The following SLC6A19 variants were observed in gnomAD, a reference collection of about 807,000 sequenced individuals.
SLC6A19 encodes sodium-dependent neutral amino acid transporter B(0)AT1.
SLC6A19 carries 67 observed loss-of-function variants against 68.3 expected under a neutral mutation model. The ratio of observed to expected loss-of-function variants is 0.98; its 90% CI spans 0.81 to 1.20. The LOEUF (loss-of-function observed/expected upper bound fraction) is 1.20, where lower values mean the gene tolerates loss of function less well. Among genes scored for constraint, SLC6A19 ranks in the 50% most tolerant of loss-of-function variants. The probability of loss-of-function intolerance (pLI) is 0.00; values close to 1 mark genes in which losing one functional copy is unlikely to be tolerated. For synonymous variants in SLC6A19, 392 were observed against 374.9 expected, an observed-to-expected ratio of 1.05 and a Z score of -0.53; for missense variants, 813 against 851.6, an observed-to-expected ratio of 0.95 and a Z score of 0.56.
Position 1,222,549 on chromosome 5 carries a change from T to G in SLC6A19, c.*645T>G, listed in dbSNP as rs1179207777. Reference sequence around the variant, plus strand: ...TGTGTACGTGTGTGTATACGTGTGTTGTGTATATGTGTGTGTCTGTACCTG... The same window carrying G: ...TGTGTACGTGTGTGTATACGTGTGTGGTGTATATGTGTGTGTCTGTACCTG... On this transcript the variant is annotated 3_prime_UTR_variant, in exon 12 of 12. Transcript: ENST00000304460. The G allele has an allele frequency of 1.0e-5, 4 of 384,382 alleles. No individual in the cohort carries two copies. 23.8% of individuals were successfully genotyped at this position (384,382 alleles called of 1,614,324 possible).
At chr5:1,211,065 C>A (rs1746014174) in intron 3 of SLC6A19, among the ~76,000 whole-genome samples, 1 of 152,198 alleles carries the variant, frequency 6.6e-6, no homozygotes, top group African/African-American at 2.4e-5. Flanking sequence ...GTGTGACATG[C>A]AATCAGCTCA....
rs373368788 is a variant in SLC6A19 at position 1,219,047 on chromosome 5, G to A, written c.1318G>A (p.Val440Ile). 8.1e-6 allele frequency: 13 copies of A among 1,613,900 alleles called. No individual in the cohort carries two copies. In the East Asian group the frequency reaches 8.9e-5, roughly 11 times the overall value. Residue 440 changes from valine to isoleucine, a missense_variant, in exon 9 of 12, where the codon GTT becomes ATT. Val to Ile is a conservative substitution (Grantham distance 29). Coordinates refer to ENST00000304460, the MANE Select transcript of SLC6A19 (RefSeq NM_001003841.3). ...TATGTTTGGGAACATGGAGGGCGTCGTTGTGCCCCTGCAGGACCTCAGAGT... is the reference window on the plus strand; with the variant it reads ...TATGTTTGGGAACATGGAGGGCGTCATTGTGCCCCTGCAGGACCTCAGAGT... ...SSMFGNMEGV[V>I]VPLQDLRVIP...
chr5:1,206,262 C>G (rs1745848655), intron 1 of SLC6A19, among the ~76,000 whole-genome samples: 1 of 151,752 alleles, frequency 6.6e-6, no homozygotes, highest in Non-Finnish European at 1.5e-5. Context: ...TCTCCATCGC[C>G]CTGTCTGTTT....
intron 2 of SLC6A19, 132 bp from the exon 3 acceptor site, chr5:1,210,312 C>A (rs1745988784): frequency 7.6e-7 from 1 of 1,323,662 alleles, no homozygotes. Flanking sequence ...ACTGGGTCGG[C>A]CCCTCAGATT....
At chr5:1,208,657 A>C in intron 1 of SLC6A19, 89 bp from the exon 2 acceptor site, 1 of 1,589,064 alleles carries the variant, frequency 6.3e-7, no homozygotes, top group Non-Finnish European at 8.6e-7. Flanking sequence ...TAGGGGCTGC[A>C]AGGTTTGCTG....
At position 1,214,433 on chromosome 5, in the gene SLC6A19, C is replaced by T. The variant is rs376547909; in HGVS notation, c.887+368C>T. On this transcript the variant is annotated intron_variant, in intron 6 of 11. Transcript: ENST00000304460. This position sits in a 1 kb window ranked among gnomAD's most constrained non-coding sequence, Gnocchi z 7.4. ...CCAGACATGTGGCGCCCCCGACGCCCTCCACGTCCCCGACCAAGGTCTGAT... is the reference window on the plus strand; with the variant it reads ...CCAGACATGTGGCGCCCCCGACGCCTTCCACGTCCCCGACCAAGGTCTGAT... Among the ~76,000 whole-genome samples, 25 of 152,302 alleles carry T rather than the reference C, an allele frequency of 1.6e-4. No homozygotes were observed. The highest frequency in any genetic ancestry group is 5.5e-4 in the African/African-American group (23 of 41,566).
chr5:1,210,638 T>C, intron 3 of SLC6A19, 57 bp downstream of exon 3: 1 of 1,605,244 alleles, frequency 6.2e-7, no homozygotes, highest in Admixed American at 1.7e-5. Context: ...GTGTCTCTCA[T>C]AGCAGGCACA....
In SLC6A19 at chr5:1,205,110, C is replaced by A. The variant is rs540300187; in HGVS notation, c.202+3258C>A. On this transcript the variant is annotated intron_variant, in intron 1 of 11. Transcript: ENST00000304460. ...ACCTGCTTCCACCTGAGTGAGCCAA[C>A]ATCTGCAGCGCCGCAGAGAGGCCTG... 2.0e-5 allele frequency among the ~76,000 whole-genome samples: 3 copies of A among 152,332 alleles called. No individual in the cohort carries two copies. The South Asian group carries it at 6.2e-4, about 32-fold the overall frequency.
In SLC6A19 at chr5:1,222,687, A is replaced by G. The variant is rs1561170965; in HGVS notation, c.*783A>G. ...CATATGGACACGCATGGACACGCAT[A>G]TGGACACATATGGACACACATATGG... On this transcript the variant is annotated 3_prime_UTR_variant, in exon 12 of 12. Transcript: ENST00000304460. 1 of 178,894 alleles carries G rather than the reference A, an allele frequency of 5.6e-6. No individual in the cohort carries two copies. The highest frequency in any genetic ancestry group is 1.2e-5 in the Non-Finnish European group (1 of 85,782). 11.1% of individuals were successfully genotyped at this position (178,894 alleles called of 1,614,324 possible).
In SLC6A19 at chr5:1,212,549, G is replaced by A. The variant is rs564831733; in HGVS notation, c.663+65G>A. The A allele has an allele frequency of 7.2e-4, 1,142 of 1,588,090 alleles. 5 individuals carry two copies. The East Asian group carries it at 0.013, about 19-fold the overall frequency. On this transcript the variant is annotated intron_variant, in intron 4 of 11. Coordinates refer to ENST00000304460, the MANE Select transcript of SLC6A19 (RefSeq NM_001003841.3). The surrounding 1 kb of genome is among the most constrained non-coding windows in gnomAD (Gnocchi z 5.1). ...GGCGGGTGCGGGCAGCCCTGCCTCCGGCCGGCTGCACTCTAAAACCCAGGT... is the reference window on the plus strand; with the variant it reads ...GGCGGGTGCGGGCAGCCCTGCCTCCAGCCGGCTGCACTCTAAAACCCAGGT...
Position 1,212,199 on chromosome 5 carries a change from C to T in SLC6A19, c.482-104C>T. ...GCACGTGTGGGCGTGTCACTGGTGT[C>T]AAGGCCTCTGGAACGTGGCTGGCAT... On this transcript the variant is annotated intron_variant, in intron 3 of 11. Transcript: ENST00000304460. This position sits in a 1 kb window ranked among gnomAD's most constrained non-coding sequence, Gnocchi z 5.1. 1 of 1,445,334 alleles carries T rather than the reference C, an allele frequency of 6.9e-7. No individual in the cohort carries two copies. The highest frequency in any genetic ancestry group is 1.2e-5 in the South Asian group (1 of 86,192). The allele number at this position is 1,445,334 out of a possible 1,614,324, so 89.5% of individuals were successfully genotyped here. A position where few individuals can be genotyped will look rare whatever the true frequency, so the allele number is the denominator to read the frequency against.
In SLC6A19 at chr5:1,215,580, C is replaced by T. The variant is rs560595724; in HGVS notation, c.888-978C>T. Reference sequence around the variant, plus strand: ...CATCCCATCACAGCCGGCGTCAGAGCGCCATTCCTGTTTAGGGCTGAGCAA... The same window carrying T: ...CATCCCATCACAGCCGGCGTCAGAGTGCCATTCCTGTTTAGGGCTGAGCAA... On this transcript the variant is annotated intron_variant, in intron 6 of 11. Transcript: ENST00000304460. The surrounding 1 kb of genome is among the most constrained non-coding windows in gnomAD (Gnocchi z 5.1). 9.8e-5 allele frequency among the ~76,000 whole-genome samples: 15 copies of T among 152,364 alleles called. No homozygotes were observed. Among genetic ancestry groups the T allele is most frequent in the Middle Eastern group, 6.8e-3 (2 of 294 alleles).
Position 1,222,576 on chromosome 5 carries a change from T to C in SLC6A19, c.*672T>C. ...TGTATATGTGTGTGTCTGTACCTGTTTGTGTATATGTGTGTGATGTGTGCT... is the reference window on the plus strand; with the variant it reads ...TGTATATGTGTGTGTCTGTACCTGTCTGTGTATATGTGTGTGATGTGTGCT... On this transcript the variant is annotated 3_prime_UTR_variant, in exon 12 of 12. Transcript: ENST00000304460. 3 of 345,474 alleles carry C rather than the reference T, an allele frequency of 8.7e-6. No homozygotes were observed. Among genetic ancestry groups the C allele is most frequent in the Non-Finnish European group, 1.6e-5 (3 of 189,802 alleles). 21.4% of individuals were successfully genotyped at this position (345,474 alleles called of 1,614,324 possible). A position where few individuals can be genotyped will look rare whatever the true frequency, so the allele number is the denominator to read the frequency against.
Position 1,214,041 on chromosome 5 carries a change from C to T in SLC6A19, c.863C>T (p.Ser288Phe). Residue 288 changes from serine to phenylalanine, a missense_variant, in exon 6 of 12, where the codon TCC (serine) becomes TTC (phenylalanine). By Grantham distance (155) the Ser-to-Phe change is radical. Transcript: ENST00000304460. The surrounding 1 kb of genome is among the most constrained non-coding windows in gnomAD (Gnocchi z 7.4). The part of the protein sequence containing the change: ...SFSLAFGGLI[S>F]FSSYNSVHNN... ...TCCCTGGCCTTCGGGGGCCTCATCT[C>T]CTTCTCCAGCTACAACTCTGTGCAG... The T allele has an allele frequency of 6.2e-7, 1 of 1,613,896 alleles. No homozygotes were observed. Among genetic ancestry groups the T allele is most frequent in the Non-Finnish European group, 8.5e-7 (1 of 1,180,016 alleles).
chr5:1,219,274 G>GT lies in SLC6A19; in HGVS notation c.1378+168dup, dbSNP rs546210398. On this transcript the variant is annotated intron_variant, in intron 9 of 11. Coordinates refer to ENST00000304460, the MANE Select transcript of SLC6A19 (RefSeq NM_001003841.3). ...AGCCCCCAGGCGTGTGAACAGCTCTGTCCCCGGCCGTGTGTGCAGCCCCCG... is the reference window on the plus strand; with the variant it reads ...AGCCCCCAGGCGTGTGAACAGCTCTGTTCCCCGGCCGTGTGTGCAGCCCCCG... 3.2e-4 allele frequency among the ~76,000 whole-genome samples: 48 copies of GT among 150,390 alleles called. 2 individuals carry two copies. The highest frequency in any genetic ancestry group is 1.2e-3 in the African/African-American group (48 of 40,890).
At chr5:1,204,061 G>A (rs116626126) in intron 1 of SLC6A19, among the ~76,000 whole-genome samples, 1,831 of 152,282 alleles carry the variant, frequency 0.012, 28 homozygotes, top group African/African-American at 0.042. Context: ...TCTTAGTGAG[G>A]GCCCCAGCAT....
chr5:1,206,694 GC>G (rs767659436), intron 1 of SLC6A19, among the ~76,000 whole-genome samples: 64 of 152,138 alleles, frequency 4.2e-4, no homozygotes, highest in Non-Finnish European at 7.4e-4. Flanking sequence ...GAGGGTGCAG[GC>G]AGGCGGGTCA....
At position 1,221,693 on chromosome 5, in the gene SLC6A19, C is replaced by T. The variant is rs748482228; in HGVS notation, c.1702-8C>T. The stretch of plus-strand genomic sequence containing the variant: ...GATGCCTACTCACCCATGGGGCTCT[C>T]TCCCCAGGAGGAATTTCCCAAATCC... On this transcript the variant is annotated splice_polypyrimidine_tract_variant and splice_region_variant and intron_variant, in intron 11 of 11. Coordinates refer to ENST00000304460, the MANE Select transcript of SLC6A19 (RefSeq NM_001003841.3). 1.2e-6 allele frequency: 2 copies of T among 1,613,864 alleles called. No homozygotes were observed. Among genetic ancestry groups the T allele is most frequent in the Non-Finnish European group, 1.7e-6 (2 of 1,179,860 alleles).
At chr5:1,202,375 C>T (rs1359575109) in intron 1 of SLC6A19, among the ~76,000 whole-genome samples, 4 of 152,092 alleles carry the variant, frequency 2.6e-5, no homozygotes, top group South Asian at 2.1e-4. Flanking sequence ...GCCTGGAGGC[C>T]GGGAGCCGCT....
Sources: gnomAD v4.1 joint callset for allele counts (sites outside exome capture counted in the v4.1 genomes callset) on GRCh38, gnomAD v4.1.1 for gene constraint, Gnocchi (gnomAD v3.1) non-coding constraint, MANE v1.5 for transcripts, NCBI Gene and HGNC (gene_info 2026-07-23, HGNC 2026-07-21) for gene names.